Variants in BTN3A2 observed in about 807,000 individuals in gnomAD.
BTN3A2 encodes the protein butyrophilin protein.
In BTN3A2, 25 loss-of-function variants were observed where a neutral mutation model predicts 37.6. The observed-to-expected ratio is 0.66, with a 90% CI of 0.48 to 0.93. The LOEUF (loss-of-function observed/expected upper bound fraction) is 0.93. Ranked by LOEUF, BTN3A2 falls within the 40% of genes least tolerant of loss-of-function variation. The pLI is 0.00. For missense variants in BTN3A2, 266 were observed against 410.9 expected (o/e 0.65, Z 3.05); for synonymous variants, 122 against 159.4 (o/e 0.77, Z 1.77).
At chr6:26,370,000 C>A (rs555620221) in intron 4 of BTN3A2, among the ~76,000 whole-genome samples, 14 of 152,310 alleles carry the variant, frequency 9.2e-5, no homozygotes, top group African/African-American at 2.9e-4. Context: ...TACCCTCAGG[C>A]TGGCTGCATT....
In BTN3A2 at chr6:26,372,880, A is replaced by G. The variant is rs1581558659; in HGVS notation, c.716-17A>G. On this transcript the variant is annotated splice_polypyrimidine_tract_variant and intron_variant, in intron 5 of 10. Transcript: ENST00000377708. The stretch of plus-strand genomic sequence containing the variant: ...GAGCGCACCAGCGCCCATGACCTAC[A>G]GCTCTCCCCTTCGCAGACCCCTTCT... The G allele has an allele frequency of 6.2e-7, 1 of 1,612,624 alleles. No homozygotes were observed. The highest frequency in any genetic ancestry group is 2.2e-5 in the East Asian group (1 of 44,884).
intron 10 of BTN3A2, 179 bp from the exon 11 acceptor site, chr6:26,375,618 G>T (rs1310458943): frequency 2.0e-6 from 3 of 1,496,694 alleles, no homozygotes; most frequent in Non-Finnish European, 2.7e-6. Flanking sequence ...GGTGGAGAAA[G>T]CTGAAGGCTG....
At chr6:26,369,823 G>A (rs758322259) in intron 4 of BTN3A2, among the ~76,000 whole-genome samples, 1 of 152,142 alleles carries the variant, frequency 6.6e-6, no homozygotes, top group Admixed American at 6.5e-5. Flanking sequence ...ACAGAGACCC[G>A]GTGTCAGTTT....
In BTN3A2 at chr6:26,372,992, T is replaced by C; in HGVS notation, c.811T>C (p.Trp271Arg). 1 of 1,614,208 alleles carries C rather than the reference T, an allele frequency of 6.2e-7. No individual in the cohort carries two copies. Among genetic ancestry groups the C allele is most frequent in the East Asian group, 2.2e-5 (1 of 44,880 alleles). Residue 271 changes from tryptophan to arginine, a missense_variant, in exon 6 of 11, where the codon TGG becomes CGG. Physicochemically the swap from Trp to Arg is moderately radical, Grantham distance 101. This residue lies in a region of BTN3A2 where 204 missense variants were observed against 232.6 expected (regional missense o/e 0.88). Coordinates refer to ENST00000377708, the MANE Select transcript of BTN3A2 (RefSeq NM_007047.5). ...TCTCGCCGGAGCCAGTTACTTCTTG[T>C]GGAGACAACAGAAGGAAATAACTGC... is the stretch of plus-strand genomic sequence containing the variant. Reference protein sequence around the residue: ...LLLAGASYFLWRQQKEITALS... With the variant: ...LLLAGASYFLRRQQKEITALS...
intron 1 of BTN3A2, among the ~76,000 whole-genome samples, chr6:26,366,025 G>A (rs1404513144): frequency 2.6e-5 from 4 of 152,030 alleles, no homozygotes; most frequent in Non-Finnish European, 5.9e-5. Context: ...TTTAGGGATA[G>A]TACTTGGTTT....
intron 5 of BTN3A2, among the ~76,000 whole-genome samples, chr6:26,372,014 A>G (rs1253665587): frequency 1.3e-5 from 2 of 152,206 alleles, no homozygotes; most frequent in Non-Finnish European, 2.9e-5. Flanking sequence ...TTACTATTGC[A>G]CAAGGTTAGA....
intron 1 of BTN3A2, among the ~76,000 whole-genome samples, chr6:26,366,982 G>A (rs1436162624): frequency 6.6e-6 from 1 of 152,162 alleles, no homozygotes; most frequent in Non-Finnish European, 1.5e-5. Flanking sequence ...GGAAGCAAAA[G>A]GCCAAAGCGT....
Position 26,377,067 on chromosome 6 carries a change from G to C in BTN3A2, c.*1305G>C. ...TCCTGTATTCAGAATTTTGACCTTGGAGCCCACTGCCCTGACCGTTTGCCC... is the reference window on the plus strand; with the variant it reads ...TCCTGTATTCAGAATTTTGACCTTGCAGCCCACTGCCCTGACCGTTTGCCC... On this transcript the variant is annotated 3_prime_UTR_variant, in exon 11 of 11. Transcript: ENST00000377708. 1 of 1,376,656 alleles carries C rather than the reference G, an allele frequency of 7.3e-7. No individual in the cohort carries two copies. Among genetic ancestry groups the C allele is most frequent in the East Asian group, 2.3e-5 (1 of 43,628 alleles). 85.3% of individuals were successfully genotyped at this position (1,376,656 alleles called of 1,614,324 possible).
At chr6:26,365,496 G>GTGTGTGTGTGTC (rs1395330842) in intron 1 of BTN3A2, 144 bp downstream of exon 1, 1 of 748,732 alleles carries the variant, frequency 1.3e-6, no homozygotes, top group Non-Finnish European at 2.1e-6. Flanking sequence ...GTGTGTGTGT[G>GTGTGTGTGTGTC]TGTGTGTGTG....
chr6:26,374,201 T>TAAAAAAAAAAAAAAAAAAAAA (rs34655395), intron 8 of BTN3A2, 126 bp from the exon 9 acceptor site: 1 of 240,874 alleles, frequency 4.2e-6, no homozygotes, highest in Non-Finnish European at 6.7e-6. Flanking sequence ...GGTGGGATGG[T>TAAAAAAAAAAAAAAAAAAAAA]AAAAAAAAAA....
At chr6:26,368,115 T>G (rs141815833) in intron 2 of BTN3A2, 63 bp from the exon 3 acceptor site, 81,844 of 1,582,630 alleles carry the variant, frequency 0.052, 2,572 homozygotes, top group Middle Eastern at 0.061. Context: ...CCATGCAGAA[T>G]CCTAAAGCTT....
chr6:26,371,975 G>A (rs989835768), intron 5 of BTN3A2, among the ~76,000 whole-genome samples: 5 of 152,118 alleles, frequency 3.3e-5, no homozygotes, highest in East Asian at 1.9e-4. Context: ...CACTGCAACC[G>A]GCCTGTAAAA....
chr6:26,374,658 A>G, intron 9 of BTN3A2, 113 bp from the exon 10 acceptor site: 1 of 1,227,062 alleles, frequency 8.1e-7, no homozygotes, highest in Non-Finnish European at 1.2e-6. Flanking sequence ...GGGAAGCTGG[A>G]CCCTGGAAGA....
intron 5 of BTN3A2, among the ~76,000 whole-genome samples, chr6:26,371,495 T>G (rs1760107926): frequency 6.6e-6 from 1 of 152,234 alleles, no homozygotes; most frequent in Non-Finnish European, 1.5e-5. Context: ...CTCAGTCATT[T>G]GCTCATGTAA....
intron 1 of BTN3A2, among the ~76,000 whole-genome samples, chr6:26,367,419 T>A (rs1479779623): frequency 6.6e-6 from 1 of 152,236 alleles, no homozygotes; most frequent in Non-Finnish European, 1.5e-5. Context: ...TCATACTCGA[T>A]ATTTTTGAGT....
In BTN3A2 at chr6:26,365,247, TCC is replaced by T; in HGVS notation, c.-171_-170del. The T allele has an allele frequency of 6.8e-7, 1 of 1,463,004 alleles. No homozygotes were observed. The highest frequency in any genetic ancestry group is 9.2e-7 in the Non-Finnish European group (1 of 1,082,734). The allele number at this position is 1,463,004 out of a possible 1,614,324, so 90.6% of individuals were successfully genotyped here. ...GAAGACAATATTTGCTTTCTCTTTTTCCTTTCTTCCGGATGAGAGGCTAAGCC... is the reference window on the plus strand; with the variant it reads ...GAAGACAATATTTGCTTTCTCTTTTTTTTCTTCCGGATGAGAGGCTAAGCC... On this transcript the variant is annotated 5_prime_UTR_variant, in exon 1 of 11. An upstream open reading frame in the 5' UTR loses its in-frame stop. Transcript: ENST00000377708.
chr6:26,371,677 G>C (rs1180741983), intron 5 of BTN3A2, among the ~76,000 whole-genome samples: 1 of 151,766 alleles, frequency 6.6e-6, no homozygotes, highest in East Asian at 1.9e-4. Context: ...TTTTCGTTGT[G>C]TGTGTGTCTT....
At chr6:26,371,152 C>T (rs2113695465) in intron 5 of BTN3A2, among the ~76,000 whole-genome samples, 1 of 152,232 alleles carries the variant, frequency 6.6e-6, no homozygotes, top group Middle Eastern at 3.4e-3. Context: ...ATCCCAGCTA[C>T]TCAGGAGGCT....
At chr6:26,369,360 C>CTAG (rs1166187915) in intron 4 of BTN3A2, among the ~76,000 whole-genome samples, 2 of 152,186 alleles carry the variant, frequency 1.3e-5, no homozygotes, top group African/African-American at 4.8e-5. Context: ...TGTAGTAGAA[C>CTAG]TAGCTGTATT....
Sources: allele counts gnomAD v4.1 joint callset (sites outside exome capture counted in the v4.1 genomes callset), GRCh38; gene constraint gnomAD v4.1.1; regional missense constraint gnomAD v4.1.1; transcripts MANE v1.5; gene names NCBI Gene and HGNC (gene_info 2026-07-23, HGNC 2026-07-21).